The following KCNK10 variants were observed in gnomAD, a reference collection of about 807,000 sequenced individuals.
KCNK10 encodes potassium channel subfamily K member 10.
KCNK10 carries 25 observed loss-of-function variants against 47.7 expected under a neutral mutation model. The ratio of observed to expected loss-of-function variants is 0.52; its 90% CI spans 0.38 to 0.73. KCNK10 has a LOEUF of 0.73. KCNK10 is among the 30% of genes least tolerant of loss of function. KCNK10 has a pLI of 0.00. For synonymous variants in KCNK10, 303 were observed against 285.6 expected (o/e 1.06, Z -0.61); for missense variants, 563 against 714.5 (o/e 0.79, Z 2.42).
At chr14:88,270,652 G>A (rs1887382652) in intron 1 of KCNK10, 4 of 776,252 alleles carry the variant, frequency 5.2e-6, no homozygotes, top group Admixed American at 5.1e-5. Flanking sequence ...GCAGACTGGG[G>A]GGAAGAGGGA....
chr14:88,296,886 C>A (rs1405182682), intron 1 of KCNK10, among the ~76,000 whole-genome samples: 1 of 152,178 alleles, frequency 6.6e-6, no homozygotes, highest in Non-Finnish European at 1.5e-5. Context: ...TATCTTCTAT[C>A]AAATCAAGAC....
At chr14:88,229,702 G>C (rs1033972481) in intron 3 of KCNK10, among the ~76,000 whole-genome samples, 1 of 152,184 alleles carries the variant, frequency 6.6e-6, no homozygotes. Context: ...GCATGGGCGT[G>C]TGTGTGAGTG....
intron 4 of KCNK10, among the ~76,000 whole-genome samples, chr14:88,196,172 G>A (rs1026024204): frequency 1.2e-4 from 18 of 152,112 alleles, no homozygotes; most frequent in Non-Finnish European, 2.2e-4. Context: ...ACTATCTCCC[G>A]TATCTGATTG....
chr14:88,189,962 G>A (rs1182304863), intron 5 of KCNK10, among the ~76,000 whole-genome samples: 2 of 152,176 alleles, frequency 1.3e-5, no homozygotes, highest in Admixed American at 6.5e-5. Flanking sequence ...TTAAGAGACC[G>A]TGGTCTACAG....
chr14:88,272,010 G>T (rs1471295719), intron 1 of KCNK10, among the ~76,000 whole-genome samples: 1 of 151,678 alleles, frequency 6.6e-6, no homozygotes, highest in East Asian at 1.9e-4. Context: ...GAAGCAGGGG[G>T]AAGGTTGGAC....
intron 4 of KCNK10, among the ~76,000 whole-genome samples, chr14:88,209,292 C>T (rs1371340970): frequency 6.6e-6 from 1 of 152,192 alleles, no homozygotes; most frequent in Non-Finnish European, 1.5e-5. Flanking sequence ...GAGAGGCAGT[C>T]AGCATGTAGC....
intron 1 of KCNK10, among the ~76,000 whole-genome samples, chr14:88,287,674 G>GGTGTGTGTGTGT (rs199702993): frequency 4.2e-5 from 6 of 141,640 alleles, no homozygotes; most frequent in Admixed American, 2.8e-4. Context: ...AGTATTCCAT[G>GGTGTGTGTGTGT]GTGTGTGTGT....
chr14:88,280,934 T>G (rs962128650), intron 1 of KCNK10, among the ~76,000 whole-genome samples: 3 of 152,144 alleles, frequency 2.0e-5, no homozygotes, highest in Non-Finnish European at 4.4e-5. Context: ...CTCAAACTTT[T>G]CAGTGCCTCT....
chr14:88,217,409 T>C (rs1885657245), intron 4 of KCNK10, among the ~76,000 whole-genome samples: 1 of 152,200 alleles, frequency 6.6e-6, no homozygotes, highest in Admixed American at 6.5e-5. Context: ...GGTGCAATGC[T>C]GATGTGCACA....
chr14:88,225,197 G>T (rs2139869596), intron 4 of KCNK10, among the ~76,000 whole-genome samples: 1 of 152,328 alleles, frequency 6.6e-6, no homozygotes, highest in East Asian at 1.9e-4. Flanking sequence ...CAAGCAAACT[G>T]CTGCAGGATC....
intron 1 of KCNK10, among the ~76,000 whole-genome samples, chr14:88,279,519 G>A (rs1252845877): frequency 6.6e-6 from 1 of 151,980 alleles, no homozygotes; most frequent in Non-Finnish European, 1.5e-5. Context: ...AGTGAAATTT[G>A]AATTGCAGAT....
Position 88,185,320 on chromosome 14 carries a change from G to A in KCNK10, c.*215C>T. ...GGCTACGTGCACGGACACTCTTGGT[G>A]TGTCCTGCGTTTGCTATCTGAAATG... On this transcript the variant is annotated 3_prime_UTR_variant, in exon 7 of 7. Transcript: ENST00000319231. This position sits in a 1 kb window ranked among gnomAD's most constrained non-coding sequence, Gnocchi z 4.3. 1 of 646,978 alleles carries A rather than the reference G, an allele frequency of 1.5e-6. No homozygotes were observed. Among genetic ancestry groups the A allele is most frequent in the South Asian group, 2.0e-5 (1 of 48,944 alleles). 40.1% of individuals were successfully genotyped at this position (646,978 alleles called of 1,614,324 possible).
chr14:88,236,876 T>C (rs2139885078), intron 3 of KCNK10, among the ~76,000 whole-genome samples: 1 of 152,342 alleles, frequency 6.6e-6, no homozygotes, highest in East Asian at 1.9e-4. Context: ...AGGGTCTTCC[T>C]TTGATGTTGA....
chr14:88,216,896 C>G (rs937631493), intron 4 of KCNK10, among the ~76,000 whole-genome samples: 1 of 152,198 alleles, frequency 6.6e-6, no homozygotes, highest in African/African-American at 2.4e-5. Context: ...GTGGCTCATG[C>G]CTGTAATCCC....
chr14:88,319,547 T>C (rs1451653664), intron 1 of KCNK10, among the ~76,000 whole-genome samples: 1 of 152,194 alleles, frequency 6.6e-6, no homozygotes, highest in Non-Finnish European at 1.5e-5. Context: ...CCATCAGACA[T>C]GGAAATGAAA....
intron 4 of KCNK10, among the ~76,000 whole-genome samples, chr14:88,207,158 A>C (rs1031696815): frequency 1.3e-5 from 2 of 149,972 alleles, no homozygotes; most frequent in African/African-American, 4.9e-5. Context: ...TTCGATTTCA[A>C]GGTCACTCTC....
chr14:88,323,235 C>A lies in KCNK10; in HGVS notation c.-437G>T, dbSNP rs1488557086. 4.0e-6 allele frequency: 4 copies of A among 990,680 alleles called. No individual in the cohort carries two copies. The highest frequency in any genetic ancestry group is 5.9e-5 in the Admixed American group (1 of 17,072). 61.4% of individuals were successfully genotyped at this position (990,680 alleles called of 1,614,324 possible). ...GCGTGTGCGCACACACTCCCGCACA[C>A]ACACACCCGCACACACACTCCCGGG... On this transcript the variant is annotated 5_prime_UTR_variant, in exon 1 of 7. Transcript: ENST00000319231.
chr14:88,188,174 T>G (rs1483517969), intron 5 of KCNK10, 65 bp from the exon 6 acceptor site: 2 of 1,543,878 alleles, frequency 1.3e-6, no homozygotes, highest in Admixed American at 1.7e-5. Flanking sequence ...GAACACATAT[T>G]CCATTCCATG....
At chr14:88,284,731 G>T (rs1887727100) in intron 1 of KCNK10, among the ~76,000 whole-genome samples, 1 of 152,074 alleles carries the variant, frequency 6.6e-6, no homozygotes, top group Non-Finnish European at 1.5e-5. Flanking sequence ...GATTAAGGGT[G>T]GGTCTTCCTC....
Sources: allele counts gnomAD v4.1 joint callset (sites outside exome capture counted in the v4.1 genomes callset), GRCh38; gene constraint gnomAD v4.1.1; non-coding constraint Gnocchi (gnomAD v3.1); transcripts MANE v1.5; gene names NCBI Gene and HGNC (gene_info 2026-07-23, HGNC 2026-07-21).